VPS9D1: variants seen among roughly 807,000 people sequenced by gnomAD.
The protein encoded by VPS9D1 is VPS9 domain-containing protein 1.
A neutral mutation model predicts 75.8 loss-of-function variants in VPS9D1; 78 were observed. The observed-to-expected ratio is 1.03, with a 90% CI of 0.86 to 1.24. The LOEUF is 1.24. Among genes scored for constraint, VPS9D1 ranks in the 50% most tolerant of loss-of-function variants. The probability of loss-of-function intolerance (pLI) is 0.00; values close to 1 mark genes in which losing one functional copy is unlikely to be tolerated. For synonymous variants in VPS9D1, 481 were observed against 385.6 expected (o/e 1.25, Z -2.90); for missense variants, 1,057 against 847.7 (o/e 1.25, Z -3.07).
At chr16:89,716,882 G>C in intron 2 of VPS9D1, 60 bp from the exon 3 acceptor site, 1 of 1,461,428 alleles carries the variant, frequency 6.8e-7, no homozygotes, top group Non-Finnish European at 9.2e-7. Flanking sequence ...TTACTGCTGA[G>C]ATAAAATGAG....
At chr16:89,709,657 G>T in intron 11 of VPS9D1, 120 bp downstream of exon 11, 1 of 1,510,642 alleles carries the variant, frequency 6.6e-7, no homozygotes, top group Non-Finnish European at 9.0e-7. Flanking sequence ...GCTAGGGGGA[G>T]CAAACACGAG....
At position 89,710,791 on chromosome 16, in the gene VPS9D1, G is replaced by C. The variant is rs527966263; in HGVS notation, c.1053C>G (p.Pro351=). Residue 351 remains proline, a synonymous_variant, in exon 10 of 15, where the codon CCC becomes CCG. Coordinates refer to ENST00000389386, the MANE Select transcript of VPS9D1 (RefSeq NM_004913.3). ...CGGGGCCGGGTTGGAGTGGGGGCGTGGGGGGACTGTCCTGGGGCCGCGGGG... is the reference window on the plus strand; with the variant it reads ...CGGGGCCGGGTTGGAGTGGGGGCGTCGGGGGACTGTCCTGGGGCCGCGGGG... The part of the protein sequence containing the change: ...SAAPRPQDSP[P]TPPLQPGPVG... 41 of 1,550,358 alleles carry C rather than the reference G, an allele frequency of 2.6e-5. No homozygotes were observed. The East Asian group carries it at 4.1e-4, about 16-fold the overall frequency.
At chr16:89,717,908 A>ACGTCCAGTGGCTCCTCCGACCTCTGTGC (rs2061119016) in intron 2 of VPS9D1, 2 of 398,850 alleles carry the variant, frequency 5.0e-6, no homozygotes, top group African/African-American at 5.1e-5. Context: ...GACCTCTGTG[A>ACGTCCAGTGGCTCCTCCGACCTCTGTGC]TCCCACGTCC....
At chr16:89,717,604 T>G (rs974018525) in intron 2 of VPS9D1, 6 of 456,248 alleles carry the variant, frequency 1.3e-5, no homozygotes, top group African/African-American at 1.2e-4. Context: ...AGACTCCCAT[T>G]TTCTCATCCC....
At position 89,709,225 on chromosome 16, in the gene VPS9D1, A is replaced by C; in HGVS notation, c.1597+2T>G. The C allele has an allele frequency of 6.2e-7, 1 of 1,611,776 alleles. No individual in the cohort carries two copies. Among genetic ancestry groups the C allele is most frequent in the Non-Finnish European group, 8.5e-7 (1 of 1,179,914 alleles). Reference sequence around the variant, plus strand: ...CTCCCCCTGACTCTCGAACCTGCTGACCTATGCACTCCAGCTTCTTCTGGG... The same window carrying C: ...CTCCCCCTGACTCTCGAACCTGCTGCCCTATGCACTCCAGCTTCTTCTGGG... On this transcript the variant is annotated splice_donor_variant, in intron 12 of 14. Coordinates refer to ENST00000389386, the MANE Select transcript of VPS9D1 (RefSeq NM_004913.3). LOFTEE classifies it high-confidence loss of function.
At position 89,709,401 on chromosome 16, in the gene VPS9D1, T is replaced by G. The variant is rs771655127; in HGVS notation, c.1423A>C (p.Arg475=). 45 of 1,529,024 alleles carry G rather than the reference T, an allele frequency of 2.9e-5. No homozygotes were observed. The highest frequency in any genetic ancestry group is 3.7e-5 in the Non-Finnish European group (42 of 1,144,594). 94.7% of individuals were successfully genotyped at this position (1,529,024 alleles called of 1,614,324 possible). A position where few individuals can be genotyped will look rare whatever the true frequency, so the allele number is the denominator to read the frequency against. ...GCATTCCTGTAGAGCTCCATGCTCC[T>G]GCTCAGGGCAGCCTCCCGGGCTCGG... is the stretch of plus-strand genomic sequence containing the variant. ...VHRAREAALS[R]SMELYRNAPP... The change falls in exon 12 of 15, where the codon AGG becomes CGG. Residue 475 remains arginine (R), a synonymous_variant. Coordinates refer to ENST00000389386, the MANE Select transcript of VPS9D1 (RefSeq NM_004913.3).
At chr16:89,713,517 G>C (rs371880684) in intron 4 of VPS9D1, among the ~76,000 whole-genome samples, 1 of 151,664 alleles carries the variant, frequency 6.6e-6, no homozygotes, top group Admixed American at 6.6e-5. Context: ...GCCTCCCAAA[G>C]TACTGGGATT....
chr16:89,718,229 C>T (rs1173290491), intron 2 of VPS9D1: 4 of 378,632 alleles, frequency 1.1e-5, no homozygotes, highest in Non-Finnish European at 2.1e-5. Flanking sequence ...TCTGTTCCAC[C>T]TTCAGGACGC....
intron 4 of VPS9D1, 62 bp from the exon 5 acceptor site, chr16:89,712,778 G>T: frequency 7.2e-7 from 1 of 1,393,628 alleles, no homozygotes. Flanking sequence ...GGACACCAGA[G>T]GAGTCTCTCT....
chr16:89,715,039 C>T (rs968705995), intron 4 of VPS9D1, among the ~76,000 whole-genome samples: 4 of 152,128 alleles, frequency 2.6e-5, no homozygotes, highest in African/African-American at 4.8e-5. Flanking sequence ...GGCTTTCCAT[C>T]TCTTGTTTTC....
Position 89,712,527 on chromosome 16 carries a change from G to T in VPS9D1, c.544-5C>A, listed in dbSNP as rs751505527. On this transcript the variant is annotated splice_polypyrimidine_tract_variant and splice_region_variant and intron_variant, in intron 5 of 14. Transcript: ENST00000389386. ...CTGCCGCTGTAGAGAGAGGGTCTGG[G>T]GGGGGAGGAGGGAGTAAGGCCGACT... The T allele has an allele frequency of 1.1e-5, 18 of 1,612,098 alleles. No individual in the cohort carries two copies. The highest frequency in any genetic ancestry group is 1.0e-4 in the Admixed American group (6 of 59,904).
chr16:89,720,228 G>A (rs1418541501), intron 1 of VPS9D1, among the ~76,000 whole-genome samples: 1 of 152,188 alleles, frequency 6.6e-6, no homozygotes, highest in Non-Finnish European at 1.5e-5. Context: ...GGGCAGCCGG[G>A]TGTGGCTGGG....
intron 6 of VPS9D1, 95 bp downstream of exon 6, chr16:89,712,365 A>C (rs1192248030): frequency 1.3e-6 from 2 of 1,558,882 alleles, no homozygotes; most frequent in African/African-American, 1.4e-5. Context: ...CCGACCCCGG[A>C]ACCTCCGCTC....
At chr16:89,710,258 A>T (rs886212440) in intron 10 of VPS9D1, among the ~76,000 whole-genome samples, 1 of 152,162 alleles carries the variant, frequency 6.6e-6, no homozygotes, top group African/African-American at 2.4e-5. Context: ...AGTGAGAATG[A>T]CGCCTGGACT....
In VPS9D1 at chr16:89,720,837, T is replaced by C. The variant is rs2061245368; in HGVS notation, c.25A>G (p.Thr9Ala). 7.0e-7 allele frequency: 1 copy of C among 1,436,024 alleles called. No individual in the cohort carries two copies. The highest frequency in any genetic ancestry group is 9.2e-7 in the Non-Finnish European group (1 of 1,089,138). 89.0% of individuals were successfully genotyped at this position (1,436,024 alleles called of 1,614,324 possible). A position where few individuals can be genotyped will look rare whatever the true frequency, so the allele number is the denominator to read the frequency against. Residue 9 changes from threonine (T) to alanine (A), a missense_variant, in exon 1 of 15, where the codon ACG becomes GCG. Thr to Ala is a moderately conservative substitution (Grantham distance 58, BLOSUM62 0). Coordinates refer to ENST00000389386, the MANE Select transcript of VPS9D1 (RefSeq NM_004913.3). ...ATGGCGCTCTGCAGCGGCTTCACCG[T>C]GCCGTCCCCGGCCGCAGCGGCCATG... MAAAAGDGTVKPLQSAMKL... is the reference protein window; with the variant it reads MAAAAGDGAVKPLQSAMKL...
chr16:89,712,515 G>C lies in VPS9D1; in HGVS notation c.551C>G (p.Ser184Cys), dbSNP rs763627141. ...GTTCTCCATCATCTGCCGCTGTAGA[G>C]AGAGGGTCTGGGGGGGGAGGAGGGA... ...QAMQKTSLTL[S>C]LQRQMMENLV... The change falls in exon 6 of 15, where the codon TCT becomes TGT. Residue 184 changes from serine to cysteine, a missense_variant. Transcript: ENST00000389386. 4 of 1,612,488 alleles carry C rather than the reference G, an allele frequency of 2.5e-6. No homozygotes were observed. The highest frequency in any genetic ancestry group is 1.3e-5 in the African/African-American group (1 of 74,612).
chr16:89,707,812 C>G lies in VPS9D1; in HGVS notation c.*49G>C, dbSNP rs753668997. ...ATGGCTCCAGGTGTAGGAGAGACAG[C>G]CCTGGGAGGCGAGGCCAGGCCCTGC... On this transcript the variant is annotated 3_prime_UTR_variant, in exon 15 of 15. Coordinates refer to ENST00000389386, the MANE Select transcript of VPS9D1 (RefSeq NM_004913.3). 4 of 1,558,360 alleles carry G rather than the reference C, an allele frequency of 2.6e-6. No homozygotes were observed. Among genetic ancestry groups the G allele is most frequent in the South Asian group, 1.1e-5 (1 of 89,544 alleles).
intron 2 of VPS9D1, chr16:89,717,890 G>C: frequency 2.3e-6 from 1 of 440,542 alleles, no homozygotes; most frequent in East Asian, 7.1e-5. Flanking sequence ...ACGTCCAGGG[G>C]CTCCCCCGAC....
chr16:89,711,415 A>T lies in VPS9D1; in HGVS notation c.748-3T>A. The T allele has an allele frequency of 6.2e-7, 1 of 1,603,824 alleles. No homozygotes were observed. The highest frequency in any genetic ancestry group is 8.5e-7 in the Non-Finnish European group (1 of 1,175,324). ...GCCTTCCAGTGCTTCGGCCAGTCCT[A>T]CGGGACAGGGGGCCTTGAAGGAAAG... On this transcript the variant is annotated splice_polypyrimidine_tract_variant and splice_region_variant and intron_variant, in intron 8 of 14. Transcript: ENST00000389386.
Sources: allele counts gnomAD v4.1 joint callset (sites outside exome capture counted in the v4.1 genomes callset), GRCh38; gene constraint gnomAD v4.1.1; transcripts MANE v1.5; gene names NCBI Gene and HGNC (gene_info 2026-07-23, HGNC 2026-07-21).